ERC2: variants seen among roughly 807,000 people sequenced by gnomAD.
ERC2 encodes the protein ERC protein 2.
ERC2 carries 42 observed loss-of-function variants against 114.8 expected under a neutral mutation model. The ratio of observed to expected loss-of-function variants is 0.37; its 90% CI spans 0.29 to 0.47. The LOEUF (loss-of-function observed/expected upper bound fraction) is 0.47, where lower values mean the gene tolerates loss of function less well. Ranked by LOEUF, ERC2 falls within the 20% of genes least tolerant of loss-of-function variation. The probability of loss-of-function intolerance (pLI) is 0.99; values close to 1 mark genes in which losing one functional copy is unlikely to be tolerated. For synonymous variants in ERC2, 454 were observed against 425.5 expected (o/e 1.07, Z -0.82); for missense variants, 939 against 1,150.7 (o/e 0.82, Z 2.66).
At chr3:55,565,577 CT>C (rs1172108152) in intron 17 of ERC2, among the ~76,000 whole-genome samples, 5 of 151,648 alleles carry the variant, frequency 3.3e-5, no homozygotes, top group African/African-American at 1.2e-4. Flanking sequence ...ACCATCAGGA[CT>C]ATCATAAACC....
intron 14 of ERC2, among the ~76,000 whole-genome samples, chr3:55,754,834 T>A (rs1288366923): frequency 1.3e-5 from 2 of 152,078 alleles, no homozygotes; most frequent in African/African-American, 4.8e-5. Flanking sequence ...TGAATTAATT[T>A]AGCTTTTAGC....
chr3:56,422,815 G>A (rs751109558), intron 2 of ERC2, among the ~76,000 whole-genome samples: 6 of 152,142 alleles, frequency 3.9e-5, no homozygotes, highest in South Asian at 2.1e-4. Context: ...TGTTTCTCTT[G>A]CATAAAATAG....
intron 2 of ERC2, among the ~76,000 whole-genome samples, chr3:56,323,694 T>C (rs529269278): frequency 2.4e-4 from 37 of 152,244 alleles, no homozygotes; most frequent in Non-Finnish European, 4.7e-4. Context: ...GCAATAAACA[T>C]CCAGTAAATG....
intron 17 of ERC2, among the ~76,000 whole-genome samples, chr3:55,594,765 T>C (rs994156832): frequency 4.6e-5 from 7 of 152,200 alleles, no homozygotes; most frequent in Non-Finnish European, 5.9e-5. Context: ...ATTACAGGCA[T>C]GAGCCACTGC....
At chr3:55,954,570 C>A (rs1031175707) in intron 12 of ERC2, among the ~76,000 whole-genome samples, 1 of 152,042 alleles carries the variant, frequency 6.6e-6, no homozygotes, top group African/African-American at 2.4e-5. Flanking sequence ...ATTTGCAAAA[C>A]AAGGAGAAAA....
chr3:55,837,218 T>C (rs1312379589), intron 14 of ERC2, among the ~76,000 whole-genome samples: 3 of 152,078 alleles, frequency 2.0e-5, no homozygotes, highest in Non-Finnish European at 4.4e-5. Flanking sequence ...GATCTAGAAA[T>C]AGAAATACCA....
rs1042765692 is a variant in ERC2, at chr3:56,078,851, T to C, written c.1641+1966A>G. Among the ~76,000 whole-genome samples, 6 of 148,692 alleles carry C rather than the reference T, an allele frequency of 4.0e-5. No individual in the cohort carries two copies. In the South Asian group the frequency reaches 6.3e-4, roughly 16 times the overall value. On this transcript the variant is annotated intron_variant, in intron 7 of 17. Coordinates refer to ENST00000288221, the MANE Select transcript of ERC2 (RefSeq NM_015576.3). Reference sequence around the variant, plus strand: ...TGAACAATATATATATTTAAATATATATTTATTTATATTATATAAATTTTA... The same window carrying C: ...TGAACAATATATATATTTAAATATACATTTATTTATATTATATAAATTTTA...
At chr3:55,526,825 C>T (rs1209753100) in intron 17 of ERC2, among the ~76,000 whole-genome samples, 1 of 152,198 alleles carries the variant, frequency 6.6e-6, no homozygotes, top group Non-Finnish European at 1.5e-5. Context: ...GGTTGGACTT[C>T]CTCATGCAGC....
intron 1 of ERC2, among the ~76,000 whole-genome samples, chr3:56,450,550 G>A (rs763363671): frequency 2.0e-5 from 3 of 152,166 alleles, no homozygotes; most frequent in African/African-American, 7.2e-5. Context: ...AAACAGCCAG[G>A]TGTGGTAAGC....
chr3:56,240,920 A>T (rs1485301051), intron 3 of ERC2, among the ~76,000 whole-genome samples: 1 of 152,152 alleles, frequency 6.6e-6, no homozygotes, highest in African/African-American at 2.4e-5. Context: ...TGTACCCATC[A>T]CACAAATTGT....
intron 7 of ERC2, among the ~76,000 whole-genome samples, chr3:56,047,325 G>C (rs1384383811): frequency 6.6e-6 from 1 of 152,152 alleles, no homozygotes; most frequent in Non-Finnish European, 1.5e-5. Flanking sequence ...TCCTTAATCA[G>C]AGCATATGTT....
intron 3 of ERC2, among the ~76,000 whole-genome samples, chr3:56,191,016 A>T (rs1466111769): frequency 1.3e-5 from 2 of 152,198 alleles, no homozygotes; most frequent in African/African-American, 4.8e-5. Context: ...GTATCCTGAC[A>T]GGGAGCCAGG....
chr3:55,777,669 T>C (rs2068728312), intron 14 of ERC2, among the ~76,000 whole-genome samples: 1 of 152,232 alleles, frequency 6.6e-6, no homozygotes, highest in Non-Finnish European at 1.5e-5. Context: ...GCATGAATTT[T>C]TATACACCAG....
intron 14 of ERC2, among the ~76,000 whole-genome samples, chr3:55,849,921 T>C (rs1199392783): frequency 1.3e-5 from 2 of 152,190 alleles, no homozygotes; most frequent in East Asian, 3.9e-4. Flanking sequence ...ATTACCGCTA[T>C]GGTAACTTAA....
At chr3:56,052,289 CCTGGATTCTGTT>C (rs1416948393) in intron 7 of ERC2, among the ~76,000 whole-genome samples, 3 of 152,184 alleles carry the variant, frequency 2.0e-5, no homozygotes, top group Non-Finnish European at 4.4e-5. Context: ...TGGATTCTGT[CCTGGATTCTGTT>C]CTCAATCCAC....
intron 2 of ERC2, among the ~76,000 whole-genome samples, chr3:56,396,343 A>C (rs1412153510): frequency 6.6e-6 from 1 of 152,212 alleles, no homozygotes; most frequent in African/African-American, 2.4e-5. Context: ...TAAAATAATG[A>C]ATGGAGCCAG....
chr3:55,932,903 A>C (rs748682718), intron 13 of ERC2, among the ~76,000 whole-genome samples: 4 of 152,230 alleles, frequency 2.6e-5, no homozygotes, highest in Non-Finnish European at 4.4e-5. Context: ...TGGTATTGTT[A>C]ATTACTTTGA....
chr3:55,788,087 T>G (rs1051000542), intron 14 of ERC2, among the ~76,000 whole-genome samples: 3 of 152,230 alleles, frequency 2.0e-5, no homozygotes, highest in Admixed American at 1.3e-4. Flanking sequence ...AGGAGATTTT[T>G]AACTAATCCC....
chr3:56,047,959 A>G (rs1478138627), intron 7 of ERC2, among the ~76,000 whole-genome samples: 1 of 152,226 alleles, frequency 6.6e-6, no homozygotes, highest in African/African-American at 2.4e-5. Flanking sequence ...GATGCAGTGG[A>G]ATTCCAAGAA....
Sources: allele counts gnomAD v4.1 joint callset (sites outside exome capture counted in the v4.1 genomes callset), GRCh38; gene constraint gnomAD v4.1.1; transcripts MANE v1.5; gene names NCBI Gene and HGNC (gene_info 2026-07-23, HGNC 2026-07-21).